Variants in NEGR1 observed in about 807,000 individuals in gnomAD.
NEGR1 encodes the protein neuronal growth regulator 1.
In NEGR1, 10 loss-of-function variants were observed where a neutral mutation model predicts 40.9. That is an observed-to-expected ratio of 0.24 (90% confidence interval 0.15 to 0.42). The LOEUF is 0.42. NEGR1 is among the 10% of genes least tolerant of loss of function. The pLI is 1.00. For missense variants in NEGR1, 352 were observed against 438.9 expected (o/e 0.80, Z 1.77); for synonymous variants, 185 against 166.8 (o/e 1.11, Z -0.84).
intron 4 of NEGR1, among the ~76,000 whole-genome samples, chr1:71,632,417 C>T (rs907005773): frequency 6.6e-6 from 1 of 151,232 alleles, no homozygotes; most frequent in Non-Finnish European, 1.5e-5. Flanking sequence ...TCACCTTTAA[C>T]ATTACTCTTA....
At chr1:72,109,844 TTTACATATTTA>T (rs1649283823) in intron 1 of NEGR1, among the ~76,000 whole-genome samples, 1 of 151,592 alleles carries the variant, frequency 6.6e-6, no homozygotes, top group Non-Finnish European at 1.5e-5. Context: ...TTGGGGCTGG[TTTACATATTTA>T]AAAGGCTGCA....
In NEGR1 at chr1:71,407,533, A is replaced by G. The variant is rs765375329; in HGVS notation, c.978T>C (p.Ala326=). 8 of 1,612,214 alleles carry G rather than the reference A, an allele frequency of 5.0e-6. No individual in the cohort carries two copies. In the East Asian group the frequency reaches 1.8e-4, roughly 36 times the overall value. Reference sequence around the variant, plus strand: ...GGTACCAGCAGGAGAAAAGAACATCAGCGCTCCCGGTAATTCCATACTGGG... The same window carrying G: ...GGTACCAGCAGGAGAAAAGAACATCGGCGCTCCCGGTAATTCCATACTGGG... The part of the protein sequence containing the change: ...STAQYGITGS[A]DVLFSCWYLV... The change falls in exon 7 of 7, where the codon GCT becomes GCC. Residue 326 remains alanine, a synonymous_variant. Coordinates refer to ENST00000357731, the MANE Select transcript of NEGR1 (RefSeq NM_173808.3).
intron 1 of NEGR1, among the ~76,000 whole-genome samples, chr1:71,943,253 C>A (rs1645988361): frequency 1.3e-5 from 2 of 149,414 alleles, no homozygotes; most frequent in Admixed American, 6.7e-5. Flanking sequence ...CACACACATA[C>A]ATACACATGT....
chr1:71,613,961 C>T (rs2101545833), intron 4 of NEGR1, among the ~76,000 whole-genome samples: 1 of 151,944 alleles, frequency 6.6e-6, no homozygotes, highest in Non-Finnish European at 1.5e-5. Context: ...CATATGAAAA[C>T]TATAAAAACT....
chr1:72,103,261 G>T (rs1649012826), intron 1 of NEGR1, among the ~76,000 whole-genome samples: 1 of 152,012 alleles, frequency 6.6e-6, no homozygotes, highest in Admixed American at 6.6e-5. Flanking sequence ...GAGGCTATTT[G>T]AGTAAAGACT....
intron 1 of NEGR1, among the ~76,000 whole-genome samples, chr1:72,131,530 A>T (rs1650249299): frequency 6.6e-6 from 1 of 152,212 alleles, no homozygotes; most frequent in South Asian, 2.1e-4. Flanking sequence ...ATTTGGGGAC[A>T]GCTTGAAAAT....
intron 4 of NEGR1, among the ~76,000 whole-genome samples, chr1:71,628,397 T>G (rs72677172): frequency 0.048 from 7,233 of 152,154 alleles, 242 homozygotes; most frequent in Non-Finnish European, 0.071. Flanking sequence ...TTTATGATCT[T>G]GTTATAATTT....
chr1:71,505,766 A>G (rs774637205), intron 6 of NEGR1, among the ~76,000 whole-genome samples: 7 of 152,202 alleles, frequency 4.6e-5, no homozygotes, highest in Non-Finnish European at 1.0e-4. Context: ...ACAAGGTTTC[A>G]TGGAAGCCCC....
intron 2 of NEGR1, among the ~76,000 whole-genome samples, chr1:71,836,439 C>CA (rs1189435283): frequency 1.2e-4 from 16 of 138,762 alleles, no homozygotes; most frequent in African/African-American, 2.4e-4. Context: ...AAAAAAAAAA[C>CA]AAAAAAACAA....
At chr1:71,881,532 A>G (rs1660584425) in intron 2 of NEGR1, among the ~76,000 whole-genome samples, 1 of 152,128 alleles carries the variant, frequency 6.6e-6, no homozygotes, top group Non-Finnish European at 1.5e-5. Context: ...CTATTTTAAA[A>G]TACAGAGTAT....
At chr1:71,452,816 C>CA (rs5775062) in intron 6 of NEGR1, among the ~76,000 whole-genome samples, 19 of 148,750 alleles carry the variant, frequency 1.3e-4, no homozygotes, top group African/African-American at 4.0e-4. Context: ...AAAAAAAAAC[C>CA]AAAAAAAAAA....
intron 2 of NEGR1, among the ~76,000 whole-genome samples, chr1:71,806,971 C>G (rs2101756166): frequency 6.6e-6 from 1 of 150,932 alleles, no homozygotes; most frequent in South Asian, 2.1e-4. Flanking sequence ...CCGCTTACCG[C>G]AAGCTCCACC....
rs975048757 is a variant in NEGR1 at position 71,883,474 on chromosome 1, A to G, written c.409+51605T>C. 3.3e-5 allele frequency among the ~76,000 whole-genome samples: 5 copies of G among 152,314 alleles called. No homozygotes were observed. The East Asian group carries it at 9.6e-4, about 29-fold the overall frequency. On this transcript the variant is annotated intron_variant, in intron 2 of 6. Coordinates refer to ENST00000357731, the MANE Select transcript of NEGR1 (RefSeq NM_173808.3). ...TTATGTTACAGATAAATAATTGAAC[A>G]CAAAAATTCGACCATTTGAGAAGAG... is the stretch of plus-strand genomic sequence containing the variant.
chr1:71,585,993 T>C (rs1294354261), intron 6 of NEGR1, among the ~76,000 whole-genome samples: 1 of 152,100 alleles, frequency 6.6e-6, no homozygotes, highest in East Asian at 1.9e-4. Flanking sequence ...GTATTGGCCA[T>C]TTTGCATGTC....
chr1:72,030,764 T>C (rs1423192402), intron 1 of NEGR1, among the ~76,000 whole-genome samples: 11 of 152,144 alleles, frequency 7.2e-5, no homozygotes, highest in Admixed American at 7.2e-4. Flanking sequence ...GTCATTAGGA[T>C]TAATGCCGGA....
intron 3 of NEGR1, among the ~76,000 whole-genome samples, chr1:71,730,124 G>T (rs542258319): frequency 6.6e-6 from 1 of 151,294 alleles, no homozygotes; most frequent in African/African-American, 2.4e-5. Flanking sequence ...TTAAAAACTG[G>T]TTTTTACAAG....
At chr1:72,105,575 G>T (rs1649104459) in intron 1 of NEGR1, among the ~76,000 whole-genome samples, 1 of 150,708 alleles carries the variant, frequency 6.6e-6, no homozygotes, top group Non-Finnish European at 1.5e-5. Context: ...TAAATAGAAA[G>T]ATTTTGAAAT....
chr1:71,904,002 T>A (rs1661211445), intron 2 of NEGR1, among the ~76,000 whole-genome samples: 1 of 151,956 alleles, frequency 6.6e-6, no homozygotes, highest in South Asian at 2.1e-4. Flanking sequence ...CTTTCCCCTA[T>A]TTACATGATA....
chr1:71,461,545 T>C (rs1208095633), intron 6 of NEGR1: 1 of 152,206 alleles, frequency 6.6e-6, no homozygotes, highest in East Asian at 1.9e-4. Flanking sequence ...ATAAGTTCTC[T>C]TGGTATTTCC....
Sources: gnomAD v4.1 joint callset for allele counts (sites outside exome capture counted in the v4.1 genomes callset) on GRCh38, gnomAD v4.1.1 for gene constraint, MANE v1.5 for transcripts, NCBI Gene and HGNC (gene_info 2026-07-23, HGNC 2026-07-21) for gene names.